The following KPTN variants were observed in gnomAD, a reference collection of about 807,000 sequenced individuals.
The protein encoded by KPTN is KICSTOR complex protein kaptin.
KPTN carries 36 observed loss-of-function variants against 52.6 expected under a neutral mutation model. That is an observed-to-expected ratio of 0.68 (90% CI 0.52 to 0.90). The LOEUF (loss-of-function observed/expected upper bound fraction) is 0.90. KPTN is among the 40% of genes least tolerant of loss of function. The pLI, the probability that KPTN is intolerant of heterozygous loss-of-function variation, is 0.00. For missense variants in KPTN, 529 were observed against 576.2 expected, an observed-to-expected ratio of 0.92 and a Z score of 0.84; for synonymous variants, 271 against 248.4, an observed-to-expected ratio of 1.09 and a Z score of -0.85.
rs766931867 is a variant in KPTN, at chr19:47,480,989, C to G, written c.494G>C (p.Gly165Ala). Residue 165 changes from glycine to alanine, a missense_variant, in exon 5 of 12, where the codon GGG becomes GCG. By Grantham distance (60) the Gly-to-Ala change is moderately conservative. Transcript: ENST00000338134. Reference protein sequence around the residue: ...DQLETVFLLSGNDPAIHLYKE... With the variant: ...DQLETVFLLSANDPAIHLYKE... The stretch of plus-strand genomic sequence containing the variant: ...GTAGAGATGAATGGCCGGGTCGTTC[C>G]CACTCAAGAGAAACACAGTCTCAAG... 4 of 1,598,510 alleles carry G rather than the reference C, an allele frequency of 2.5e-6. No individual in the cohort carries two copies. In the Admixed American group the frequency reaches 7.0e-5, roughly 28 times the overall value.
intron 8 of KPTN, among the ~76,000 whole-genome samples, chr19:47,478,246 G>T (rs1967744142): frequency 6.6e-6 from 1 of 151,636 alleles, no homozygotes; most frequent in Non-Finnish European, 1.5e-5. Context: ...CAAATTATAA[G>T]TCAGACACCA....
rs1330840535 is a variant in KPTN, at chr19:47,475,231, G to A, written c.*185C>T. On this transcript the variant is annotated 3_prime_UTR_variant, in exon 12 of 12. Coordinates refer to ENST00000338134, the MANE Select transcript of KPTN (RefSeq NM_007059.4). ...GACAGGGTGGAATGGGATCATCCCT[G>A]CTTTCAAATAGGGACATTGACGTAC... 2 of 566,352 alleles carry A rather than the reference G, an allele frequency of 3.5e-6. No individual in the cohort carries two copies. Among genetic ancestry groups the A allele is most frequent in the East Asian group, 6.4e-5 (2 of 31,106 alleles). 35.1% of individuals were successfully genotyped at this position (566,352 alleles called of 1,614,324 possible).
chr19:47,481,083 G>C, intron 4 of KPTN, 50 bp from the exon 5 acceptor site: 5 of 1,453,314 alleles, frequency 3.4e-6, no homozygotes, highest in Non-Finnish European at 4.7e-6. Context: ...CACATGGTCT[G>C]AGAACCAGAA....
upstream of KPTN, among the ~76,000 whole-genome samples, chr19:47,485,563 G>A (rs970567528): frequency 4.6e-5 from 7 of 152,228 alleles, no homozygotes; most frequent in Non-Finnish European, 1.0e-4. Flanking sequence ...GAAGGCAGCA[G>A]GCTGATCTCC....
chr19:47,477,080 C>T, intron 9 of KPTN, 142 bp from the exon 10 acceptor site: 1 of 855,766 alleles, frequency 1.2e-6, no homozygotes, highest in Non-Finnish European at 1.8e-6. Flanking sequence ...ACATCATCAT[C>T]TCAGATTTGG....
rs1285126469 is a variant in KPTN, at chr19:47,475,490, C to T, written c.1237G>A (p.Glu413Lys). The T allele has an allele frequency of 6.2e-7, 1 of 1,613,582 alleles. No individual in the cohort carries two copies. Among genetic ancestry groups the T allele is most frequent in the South Asian group, 1.1e-5 (1 of 91,020 alleles). The change falls in exon 12 of 12, where the codon GAG becomes AAG. Residue 413 changes from glutamate (E) to lysine (K), a missense_variant. Transcript: ENST00000338134. ...LVLTRLRHQV[E>K]QRRRRLQGLE... ...CCCTGTAGCCGACGTCTCCTCTGCT[C>T]CACTTGATGTCGAAGCCGGGTCAAG...
intron 7 of KPTN, 45 bp downstream of exon 7, chr19:47,480,253 T>G: frequency 4.0e-5 from 21 of 518,604 alleles, no homozygotes; most frequent in East Asian, 1.9e-4. Context: ...CCCCGCCCTC[T>G]AGCCCTCAAC....
At chr19:47,483,871 C>A in intron 1 of KPTN, 64 bp downstream of exon 1, 2 of 1,597,358 alleles carry the variant, frequency 1.3e-6, no homozygotes, top group East Asian at 2.2e-5. Flanking sequence ...TCAGACAGAG[C>A]CTCAGAAGCC....
At chr19:47,480,192 C>T in intron 7 of KPTN, 106 bp downstream of exon 7, 1 of 640,100 alleles carries the variant, frequency 1.6e-6, no homozygotes, top group Non-Finnish European at 2.7e-6. Context: ...CCTCAACCCA[C>T]TTATCCTCCT....
At position 47,483,275 on chromosome 19, in the gene KPTN, C is replaced by T. The variant is rs1568458248; in HGVS notation, c.394+20G>A. On this transcript the variant is annotated intron_variant, in intron 3 of 11. Transcript: ENST00000338134. ...ACCTGCTGGGGACTCTCTCCCTCCTCCCGTCCACGCCTCACTCACGGGCAA... is the reference window on the plus strand; with the variant it reads ...ACCTGCTGGGGACTCTCTCCCTCCTTCCGTCCACGCCTCACTCACGGGCAA... The T allele has an allele frequency of 1.9e-6, 3 of 1,613,632 alleles. No individual in the cohort carries two copies. Among genetic ancestry groups the T allele is most frequent in the Non-Finnish European group, 1.7e-6 (2 of 1,179,636 alleles).
chr19:47,480,754 T>A lies in KPTN; in HGVS notation c.599+6A>T. 2 of 1,613,928 alleles carry A rather than the reference T, an allele frequency of 1.2e-6. No homozygotes were observed. The highest frequency in any genetic ancestry group is 1.7e-6 in the Non-Finnish European group (2 of 1,179,812). ...CCCCAGTGGCCTCTTTCGGGGCCTC[T>A]CCTACCTACTGGTCAGGTTCGTCAG... On this transcript the variant is annotated splice_donor_region_variant and intron_variant, in intron 6 of 11. Transcript: ENST00000338134.
chr19:47,479,587 G>A (rs189519140), intron 8 of KPTN, among the ~76,000 whole-genome samples: 175 of 152,226 alleles, frequency 1.1e-3, no homozygotes, highest in Non-Finnish European at 2.0e-3. Context: ...ACGGGGCTAA[G>A]GTTACACCAA....
intron 10 of KPTN, 29 bp downstream of exon 10, chr19:47,476,774 T>A (rs753090233): frequency 1.9e-6 from 3 of 1,598,192 alleles, no homozygotes; most frequent in Non-Finnish European, 1.7e-6. Flanking sequence ...GGGAGGCCGG[T>A]GGGTGTGGCT....
In KPTN at chr19:47,484,174, G is replaced by A. The variant is rs1599880813; in HGVS notation, c.-14C>T. On this transcript the variant is annotated 5_prime_UTR_variant, in exon 1 of 12. Transcript: ENST00000338134. ...CTCCCCCATCATGCCCCTCAGTTAA[G>A]CACCCTCTCCGCAGCCCCCGCCCCA... 6.3e-7 allele frequency: 1 copy of A among 1,587,458 alleles called. No homozygotes were observed.
At chr19:47,481,111 C>A (rs1311100301) in intron 4 of KPTN, 78 bp from the exon 5 acceptor site, 13 of 1,186,090 alleles carry the variant, frequency 1.1e-5, no homozygotes, top group East Asian at 2.5e-5. Flanking sequence ...CTTGCAAAAA[C>A]CCCTGCCTGT....
chr19:47,479,983 T>TTA (rs1967811491), intron 7 of KPTN, 43 bp from the exon 8 acceptor site: 1 of 1,365,612 alleles, frequency 7.3e-7, no homozygotes. Flanking sequence ...CCCACCCCGG[T>TTA]CCCGCCCGCA....
intron 1 of KPTN, 143 bp downstream of exon 1, chr19:47,483,792 G>A: frequency 8.3e-7 from 1 of 1,203,748 alleles, no homozygotes; most frequent in Non-Finnish European, 1.2e-6. Flanking sequence ...CCCCAACTAT[G>A]CCTGCCCGCT....
At chr19:47,477,311 G>C (rs768326300) in intron 9 of KPTN, among the ~76,000 whole-genome samples, 6 of 152,208 alleles carry the variant, frequency 3.9e-5, no homozygotes, top group Non-Finnish European at 7.3e-5. Flanking sequence ...GCTGGCTATA[G>C]TTGCTTCCGA....
Position 47,479,864 on chromosome 19 carries a change from C to T in KPTN, c.786G>A (p.Lys262=), listed in dbSNP as rs371354579. The T allele has an allele frequency of 1.2e-6, 2 of 1,613,032 alleles. No homozygotes were observed. The highest frequency in any genetic ancestry group is 1.7e-6 in the Non-Finnish European group (2 of 1,179,514). ...CATCCCCTCAAACCCAGAGCTCACC[C>T]TTGGCGGCCGAGAGGCTGAACACAA... ...RVIVFSLSAA[K]ETKDRPLQDE... The change falls in exon 8 of 12, where the codon AAG becomes AAA. Residue 262 remains lysine, a splice_region_variant and synonymous_variant. Transcript: ENST00000338134.
Sources: allele counts gnomAD v4.1 joint callset (sites outside exome capture counted in the v4.1 genomes callset), GRCh38; gene constraint gnomAD v4.1.1; transcripts MANE v1.5; gene names NCBI Gene and HGNC (gene_info 2026-07-23, HGNC 2026-07-21).